CMTM8: variants seen among roughly 807,000 people sequenced by gnomAD.
The protein encoded by CMTM8 is CKLF like MARVEL transmembrane domain containing 8.
CMTM8 carries 12 observed loss-of-function variants against 18.6 expected under a neutral mutation model. The observed-to-expected ratio is 0.65, with a 90% CI of 0.41 to 1.05. CMTM8 has a LOEUF of 1.05. Among genes scored for constraint, CMTM8 ranks in the 50% least tolerant of loss-of-function variants. CMTM8 has a pLI of 0.00. For missense variants in CMTM8, 217 were observed against 227.2 expected (o/e 0.95, Z 0.29); for synonymous variants, 87 against 90.6 (o/e 0.96, Z 0.23).
chr3:32,301,015 A>G (rs1420604767), intron 1 of CMTM8, among the ~76,000 whole-genome samples: 1 of 152,142 alleles, frequency 6.6e-6, no homozygotes, highest in Non-Finnish European at 1.5e-5. Flanking sequence ...TATAAAAATC[A>G]TCCTTCACTT....
chr3:32,241,280 C>T (rs1222236414), intron 1 of CMTM8, among the ~76,000 whole-genome samples: 1 of 152,188 alleles, frequency 6.6e-6, no homozygotes, highest in Non-Finnish European at 1.5e-5. Flanking sequence ...GCCCTCTTCC[C>T]TGCCTCCAAT....
At chr3:32,367,711 C>G (rs953802129) in intron 2 of CMTM8, among the ~76,000 whole-genome samples, 161 bp from the exon 3 acceptor site, 1 of 152,144 alleles carries the variant, frequency 6.6e-6, no homozygotes, top group Admixed American at 6.5e-5. Context: ...CCTCTCCTCT[C>G]GCACTTAGAG....
intron 1 of CMTM8, among the ~76,000 whole-genome samples, chr3:32,282,813 T>A (rs1384619295): frequency 6.6e-6 from 1 of 152,214 alleles, no homozygotes; most frequent in African/African-American, 2.4e-5. Flanking sequence ...CTGGCCCCCT[T>A]GCTGCTTTTG....
At chr3:32,293,138 T>G (rs1248204009) in intron 1 of CMTM8, among the ~76,000 whole-genome samples, 1 of 151,936 alleles carries the variant, frequency 6.6e-6, no homozygotes, top group East Asian at 1.9e-4. Flanking sequence ...GATCTCTGAA[T>G]CAGTGGAGGC....
chr3:32,367,816 C>A, intron 2 of CMTM8, 56 bp from the exon 3 acceptor site: 2 of 1,201,766 alleles, frequency 1.7e-6, no homozygotes, highest in Non-Finnish European at 2.5e-6. Context: ...TTCTGAAGTC[C>A]AGAGGTATGC....
intron 1 of CMTM8, among the ~76,000 whole-genome samples, chr3:32,254,771 C>T (rs1230418715): frequency 6.6e-6 from 1 of 152,084 alleles, no homozygotes; most frequent in African/African-American, 2.4e-5. Context: ...GTAAAGTTCA[C>T]CCATTCAAAG....
At chr3:32,239,989 T>C (rs1701925939) in intron 1 of CMTM8, among the ~76,000 whole-genome samples, 1 of 152,232 alleles carries the variant, frequency 6.6e-6, no homozygotes, top group South Asian at 2.1e-4. Context: ...GGCCTGCCTT[T>C]CTGCAGGGCC....
intron 1 of CMTM8, among the ~76,000 whole-genome samples, chr3:32,282,192 A>G (rs1302996775): frequency 6.6e-6 from 1 of 152,184 alleles, no homozygotes; most frequent in African/African-American, 2.4e-5. Flanking sequence ...TATTAAAAGA[A>G]CCCATGAGGA....
chr3:32,345,481 G>A (rs1325725425), intron 1 of CMTM8, among the ~76,000 whole-genome samples: 2 of 152,198 alleles, frequency 1.3e-5, no homozygotes. Flanking sequence ...TTGTGATGAC[G>A]CTGGGTCATC....
chr3:32,257,276 A>G (rs1473015873), intron 1 of CMTM8, among the ~76,000 whole-genome samples: 1 of 152,160 alleles, frequency 6.6e-6, no homozygotes, highest in African/African-American at 2.4e-5. Flanking sequence ...AACACTGGAA[A>G]GGCATTCTTT....
At chr3:32,319,074 A>ATAT in intron 1 of CMTM8, among the ~76,000 whole-genome samples, 1 of 31,530 alleles carries the variant, frequency 3.2e-5, no homozygotes, top group Non-Finnish European at 5.1e-5. Context: ...ATATATATAT[A>ATAT]TTTTTTTTTT....
intron 1 of CMTM8, among the ~76,000 whole-genome samples, chr3:32,243,009 T>C (rs1701962889): frequency 6.6e-6 from 1 of 151,730 alleles, no homozygotes; most frequent in African/African-American, 2.4e-5. Flanking sequence ...TCTGGTGCCT[T>C]AGCCTCCCAA....
At chr3:32,346,031 G>A (rs1406741021) in intron 1 of CMTM8, among the ~76,000 whole-genome samples, 1 of 152,200 alleles carries the variant, frequency 6.6e-6, no homozygotes, top group African/African-American at 2.4e-5. Context: ...GCTCATGCCT[G>A]TAGTCCCACA....
chr3:32,369,271 G>A (rs1303346536), intron 3 of CMTM8, among the ~76,000 whole-genome samples: 1 of 152,110 alleles, frequency 6.6e-6, no homozygotes, highest in Admixed American at 6.5e-5. Context: ...CCAAGATCAC[G>A]CCATTGCACT....
intron 1 of CMTM8, among the ~76,000 whole-genome samples, chr3:32,306,298 C>T (rs959953450): frequency 1.3e-5 from 2 of 152,188 alleles, no homozygotes; most frequent in African/African-American, 4.8e-5. Flanking sequence ...TGTGCAAGGC[C>T]TATACTTGGA....
intron 1 of CMTM8, among the ~76,000 whole-genome samples, chr3:32,298,438 CTT>C (rs75095552): frequency 8.8e-4 from 122 of 139,046 alleles, no homozygotes; most frequent in Non-Finnish European, 8.7e-4. Context: ...ACATACCCCC[CTT>C]TTTTTTTTTT....
rs750352899 is a variant in CMTM8 at position 32,370,010 on chromosome 3, T to C, written c.*43T>C. ...TAAAAGGAAAAAAAAAGGAAGACTC[T>C]CACTGTAAAAACAGCTGTAGGTATA... is the stretch of plus-strand genomic sequence containing the variant. On this transcript the variant is annotated 3_prime_UTR_variant, in exon 4 of 4. Transcript: ENST00000307526. The C allele has an allele frequency of 3.3e-6, 4 of 1,221,658 alleles. No individual in the cohort carries two copies. In the African/African-American group the frequency reaches 5.9e-5, roughly 18 times the overall value. The allele number at this position is 1,221,658 out of a possible 1,614,324, so 75.7% of individuals were successfully genotyped here. A position where few individuals can be genotyped will look rare whatever the true frequency, so the allele number is the denominator to read the frequency against.
intron 1 of CMTM8, among the ~76,000 whole-genome samples, chr3:32,310,526 C>T (rs1695799725): frequency 6.6e-6 from 1 of 152,168 alleles, no homozygotes; most frequent in Non-Finnish European, 1.5e-5. Context: ...TAGCTGTTTA[C>T]TACTTTCTCC....
At chr3:32,278,585 G>C (rs772040129) in intron 1 of CMTM8, among the ~76,000 whole-genome samples, 13 of 152,002 alleles carry the variant, frequency 8.6e-5, no homozygotes, top group Non-Finnish European at 1.3e-4. Context: ...ATTTGTTGCC[G>C]CCTCTGTTTA....
Sources: gnomAD v4.1 joint callset for allele counts (sites outside exome capture counted in the v4.1 genomes callset) on GRCh38, gnomAD v4.1.1 for gene constraint, MANE v1.5 for transcripts, NCBI Gene and HGNC (gene_info 2026-07-23, HGNC 2026-07-21) for gene names.